The following GALNT18 variants were observed in gnomAD, a reference collection of about 807,000 sequenced individuals.
The protein encoded by GALNT18 is GalNAc-transferase 18.
In GALNT18, 44 loss-of-function variants were observed where a neutral mutation model predicts 69.5. The ratio of observed to expected loss-of-function variants is 0.63; its 90% confidence interval spans 0.50 to 0.81. GALNT18 has a LOEUF of 0.81. Among genes scored for constraint, GALNT18 ranks in the 40% least tolerant of loss-of-function variants. The pLI is 0.00. For missense variants in GALNT18, 715 were observed against 810.0 expected (o/e 0.88, Z 1.42); for synonymous variants, 364 against 318.2 (o/e 1.14, Z -1.53).
At chr11:11,296,306 C>T (rs991778381) in intron 9 of GALNT18, among the ~76,000 whole-genome samples, 1 of 152,188 alleles carries the variant, frequency 6.6e-6, no homozygotes, top group African/African-American at 2.4e-5. Flanking sequence ...GAAACGAGAA[C>T]CCACCATATC....
At chr11:11,612,134 C>G (rs937732117) in intron 1 of GALNT18, among the ~76,000 whole-genome samples, 1 of 151,912 alleles carries the variant, frequency 6.6e-6, no homozygotes, top group African/African-American at 2.4e-5. Flanking sequence ...CTGTGACCTA[C>G]CTTGAACAAA....
At chr11:11,362,859 C>A (rs541974060) in intron 6 of GALNT18, among the ~76,000 whole-genome samples, 11 of 151,968 alleles carry the variant, frequency 7.2e-5, no homozygotes, top group African/African-American at 1.2e-4. Context: ...AAAAGATAAC[C>A]AATAAAAATA....
intron 3 of GALNT18, among the ~76,000 whole-genome samples, chr11:11,427,534 C>T (rs1448868101): frequency 6.6e-6 from 1 of 152,168 alleles, no homozygotes; most frequent in Non-Finnish European, 1.5e-5. Flanking sequence ...CACCAACATC[C>T]CTTCCATTGT....
intron 1 of GALNT18, chr11:11,475,752 A>AT (rs1265186404): frequency 6.6e-6 from 1 of 152,204 alleles, no homozygotes; most frequent in Non-Finnish European, 1.5e-5. Context: ...TGCCCCTAGA[A>AT]TCCCCCACCC....
At chr11:11,495,044 A>C (rs987254063) in intron 1 of GALNT18, among the ~76,000 whole-genome samples, 3 of 152,172 alleles carry the variant, frequency 2.0e-5, no homozygotes, top group African/African-American at 4.8e-5. Context: ...CTCAAAAAAA[A>C]AAAAAATCCG....
chr11:11,292,108 G>A (rs989649367), intron 10 of GALNT18, among the ~76,000 whole-genome samples: 3 of 152,130 alleles, frequency 2.0e-5, no homozygotes, highest in African/African-American at 7.2e-5. Flanking sequence ...CATGAATACA[G>A]GTGTTCCCTC....
intron 3 of GALNT18, among the ~76,000 whole-genome samples, chr11:11,393,513 G>C (rs1386437347): frequency 6.6e-6 from 1 of 152,272 alleles, no homozygotes; most frequent in Non-Finnish European, 1.5e-5. Flanking sequence ...ACATCAGCCT[G>C]TTTCTAGGCC....
chr11:11,585,504 C>T (rs184068537), intron 1 of GALNT18, among the ~76,000 whole-genome samples: 3 of 151,936 alleles, frequency 2.0e-5, no homozygotes, highest in East Asian at 3.9e-4. Flanking sequence ...TACAGGCATG[C>T]GCCACCACGC....
At position 11,434,884 on chromosome 11, in the gene GALNT18, A is replaced by G. The variant is rs188338514; in HGVS notation, c.429-2097T>C. On this transcript the variant is annotated intron_variant, in intron 2 of 10. Coordinates refer to ENST00000227756, the MANE Select transcript of GALNT18 (RefSeq NM_198516.3). ...TAAAAGATTTATGGTTGACAGTCAA[A>G]TAAGTCCTCTAGCTAGTATTTATTT... 3.3e-5 allele frequency among the ~76,000 whole-genome samples: 5 copies of G among 152,356 alleles called. No homozygotes were observed. The East Asian group carries it at 9.6e-4, about 29-fold the overall frequency.
chr11:11,333,863 A>T (rs570395131), intron 7 of GALNT18, among the ~76,000 whole-genome samples: 7 of 152,210 alleles, frequency 4.6e-5, no homozygotes, highest in African/African-American at 1.7e-4. Context: ...TGAATGGGGC[A>T]CAGAATTGGC....
In GALNT18 at chr11:11,271,040, T is replaced by G; in HGVS notation, c.*104A>C. On this transcript the variant is annotated 3_prime_UTR_variant, in exon 11 of 11. Coordinates refer to ENST00000227756, the MANE Select transcript of GALNT18 (RefSeq NM_198516.3). ...TAAAAAGCTCTTCTTGGGGGCCCAC[T>G]AACCTGGTTCCCCAGACTCCAAACA... is the stretch of plus-strand genomic sequence containing the variant. 1.9e-6 allele frequency: 2 copies of G among 1,070,880 alleles called. No homozygotes were observed. The highest frequency in any genetic ancestry group is 2.6e-5 in the Admixed American group (1 of 37,874). 66.3% of individuals were successfully genotyped at this position (1,070,880 alleles called of 1,614,324 possible).
intron 1 of GALNT18, among the ~76,000 whole-genome samples, chr11:11,558,548 C>A (rs1858388446): frequency 6.6e-6 from 1 of 152,218 alleles, no homozygotes; most frequent in African/African-American, 2.4e-5. Flanking sequence ...CAGGAATAGC[C>A]CTGCTTCATG....
In GALNT18 at chr11:11,587,485, A is replaced by C. The variant is rs2133920966; in HGVS notation, c.235+33874T>G. 6.6e-6 allele frequency among the ~76,000 whole-genome samples: 1 copy of C among 152,324 alleles called. No individual in the cohort carries two copies. Among genetic ancestry groups the C allele is most frequent in the South Asian group, 2.1e-4 (1 of 4,822 alleles). On this transcript the variant is annotated intron_variant, in intron 1 of 10. Coordinates refer to ENST00000227756, the MANE Select transcript of GALNT18 (RefSeq NM_198516.3). The surrounding 1 kb of genome is among the most constrained non-coding windows in gnomAD (Gnocchi z 4.4). ...TTGCTAATGAGCAGTGAGCATATCC[A>C]AAGCCTCGATCTAGGAGGAAGCACT...
Position 11,317,549 on chromosome 11 carries a change from T to C in GALNT18, c.1512+9537A>G, listed in dbSNP as rs763371684. On this transcript the variant is annotated intron_variant, in intron 9 of 10. Transcript: ENST00000227756. ...CTTGTATGTCTTCCTTTGAGGAGTG[T>C]CTGTTCATGTCCTTTGCCCATTCTT... 2.5e-4 allele frequency among the ~76,000 whole-genome samples: 38 copies of C among 152,220 alleles called. 1 individual carries two copies. The highest frequency in any genetic ancestry group is 4.9e-4 in the Non-Finnish European group (33 of 68,040).
intron 9 of GALNT18, among the ~76,000 whole-genome samples, chr11:11,297,013 A>C (rs1849413647): frequency 6.6e-6 from 1 of 152,164 alleles, no homozygotes; most frequent in South Asian, 2.1e-4. Context: ...TGGAACGTTT[A>C]AGGCAAAAAG....
intron 1 of GALNT18, among the ~76,000 whole-genome samples, chr11:11,474,801 G>T (rs1448352907): frequency 6.6e-6 from 1 of 152,060 alleles, no homozygotes; most frequent in Non-Finnish European, 1.5e-5. Flanking sequence ...GTGCAAACAG[G>T]GACGCCTCAA....
chr11:11,414,550 C>A (rs985642013), intron 3 of GALNT18, among the ~76,000 whole-genome samples: 2 of 152,168 alleles, frequency 1.3e-5, no homozygotes, highest in Non-Finnish European at 2.9e-5. Context: ...TCAGAGGGGC[C>A]TTCTCCAATC....
chr11:11,385,331 T>C (rs1189262790), intron 3 of GALNT18, among the ~76,000 whole-genome samples: 1 of 150,786 alleles, frequency 6.6e-6, no homozygotes, highest in Non-Finnish European at 1.5e-5. Flanking sequence ...AGTCTCGCTC[T>C]GTTGCCCAGG....
chr11:11,471,225 C>T (rs929805530), intron 1 of GALNT18, among the ~76,000 whole-genome samples: 18 of 152,200 alleles, frequency 1.2e-4, no homozygotes, highest in Non-Finnish European at 5.9e-5. Flanking sequence ...TGCAGCAGTT[C>T]CCCAAGGGCA....
Sources: gnomAD v4.1 joint callset for allele counts (sites outside exome capture counted in the v4.1 genomes callset) on GRCh38, gnomAD v4.1.1 for gene constraint, Gnocchi (gnomAD v3.1) non-coding constraint, MANE v1.5 for transcripts, NCBI Gene and HGNC (gene_info 2026-07-23, HGNC 2026-07-21) for gene names.